DACH2: variants seen among roughly 807,000 people sequenced by gnomAD.
The protein encoded by DACH2 is dachshund family transcription factor 2.
DACH2 carries 17 observed loss-of-function variants against 35.8 expected under a neutral mutation model. That is an observed-to-expected ratio of 0.48 (90% CI 0.33 to 0.71). The LOEUF (loss-of-function observed/expected upper bound fraction) is 0.71, where lower values mean the gene tolerates loss of function less well. Ranked by LOEUF, DACH2 falls within the 30% of genes least tolerant of loss-of-function variation. The pLI is 0.02. For synonymous variants in DACH2, 195 were observed against 177.3 expected, an observed-to-expected ratio of 1.10 and a Z score of -0.79; for missense variants, 469 against 472.7, an observed-to-expected ratio of 0.99 and a Z score of 0.07.
At chrX:86,274,294 C>T (rs1393267788) in intron 1 of DACH2, among the ~76,000 whole-genome samples, 2 of 110,199 alleles carry the variant, frequency 1.8e-5, no homozygotes, top group African/African-American at 6.6e-5. Context: ...AATTTCAATC[C>T]AGGCATGGTT....
At chrX:86,633,384 C>G (rs2040225493) in intron 3 of DACH2, among the ~76,000 whole-genome samples, 1 of 110,759 alleles carries the variant, frequency 9.0e-6, no homozygotes, top group East Asian at 2.8e-4. Flanking sequence ...AATATACAAC[C>G]TCCAAATATT....
At chrX:86,278,295 A>G (rs1030398221) in intron 1 of DACH2, among the ~76,000 whole-genome samples, 1 of 111,915 alleles carries the variant, frequency 8.9e-6, no homozygotes, top group African/African-American at 3.3e-5. Flanking sequence ...CAATGCTTCA[A>G]AAGTTGGACC....
At chrX:86,196,819 C>A (rs1037016386) in intron 1 of DACH2, among the ~76,000 whole-genome samples, 3 of 108,892 alleles carry the variant, frequency 2.8e-5, no homozygotes, top group Non-Finnish European at 3.8e-5. Flanking sequence ...AGAGTACAAC[C>A]AACTTCTAAA....
chrX:86,514,986 A>AGGACTGT (rs2038447226), intron 3 of DACH2, among the ~76,000 whole-genome samples: 1 of 111,814 alleles, frequency 8.9e-6, no homozygotes, highest in Non-Finnish European at 1.9e-5. Context: ...TCCTTAAAAA[A>AGGACTGT]GTACCTGAGA....
At chrX:86,306,961 C>A (rs1230009350) in intron 1 of DACH2, among the ~76,000 whole-genome samples, 1 of 111,352 alleles carries the variant, frequency 9.0e-6, no homozygotes, top group African/African-American at 3.3e-5. Flanking sequence ...AAGGACTCTA[C>A]TTTTAATAGC....
At chrX:86,254,807 T>TATATATATATATATAGAGAG (rs1380613474) in intron 1 of DACH2, among the ~76,000 whole-genome samples, 3 of 49,648 alleles carry the variant, frequency 6.0e-5, no homozygotes, top group African/African-American at 2.3e-4. Context: ...TATATATATA[T>TATATATATATATATAGAGAG]AGAGAGAGAG....
intron 1 of DACH2, among the ~76,000 whole-genome samples, chrX:86,363,545 T>C (rs1285661935): frequency 8.9e-6 from 1 of 111,864 alleles, no homozygotes; most frequent in Non-Finnish European, 1.9e-5. Context: ...TATAACTGAT[T>C]TTCAAAAGTT....
chrX:86,212,865 A>G (rs774445085), intron 1 of DACH2, among the ~76,000 whole-genome samples: 1 of 111,108 alleles, frequency 9.0e-6, no homozygotes, highest in East Asian at 2.8e-4. Flanking sequence ...ATTGCAGTCT[A>G]TTTTTTACTG....
At chrX:86,562,229 GT>G (rs1335078925) in intron 3 of DACH2, among the ~76,000 whole-genome samples, 1 of 110,501 alleles carries the variant, frequency 9.0e-6, no homozygotes, top group South Asian at 3.8e-4. Flanking sequence ...GGTGACACAT[GT>G]TTTTTGTTTT....
intron 3 of DACH2, among the ~76,000 whole-genome samples, chrX:86,606,846 A>G (rs2039865394): frequency 8.9e-6 from 1 of 111,742 alleles, no homozygotes; most frequent in African/African-American, 3.2e-5. Flanking sequence ...TTTAGCTCCA[A>G]TAGTATTTAC....
chrX:86,305,293 G>T (rs2034662150), intron 1 of DACH2, among the ~76,000 whole-genome samples: 1 of 111,921 alleles, frequency 8.9e-6, no homozygotes, highest in African/African-American at 3.3e-5. Context: ...CGGTCAGCCA[G>T]ATGTGTACTG....
At chrX:86,177,047 C>T (rs958772573) in intron 1 of DACH2, among the ~76,000 whole-genome samples, 3 of 111,513 alleles carry the variant, frequency 2.7e-5, no homozygotes, top group Non-Finnish European at 3.8e-5. Flanking sequence ...TTGATACAGG[C>T]GTACAATGGA....
At chrX:86,185,161 T>C (rs1402416248) in intron 1 of DACH2, among the ~76,000 whole-genome samples, 1 of 111,637 alleles carries the variant, frequency 9.0e-6, no homozygotes, top group African/African-American at 3.3e-5. Flanking sequence ...CCTGCACCTG[T>C]TTTATCTTTC....
At chrX:86,405,654 A>T (rs1462860264) in intron 2 of DACH2, among the ~76,000 whole-genome samples, 1 of 110,838 alleles carries the variant, frequency 9.0e-6, no homozygotes, top group East Asian at 2.8e-4. Context: ...ACCCCTCAAA[A>T]CTGTTCCAAC....
At chrX:86,827,216 A>G (rs181805906) in intron 11 of DACH2, among the ~76,000 whole-genome samples, 90 of 112,147 alleles carry the variant, frequency 8.0e-4, no homozygotes, top group Middle Eastern at 9.2e-3. Context: ...TCGAATAACC[A>G]TCCTGTCAGG....
chrX:86,211,185 G>C (rs2032436658), intron 1 of DACH2, among the ~76,000 whole-genome samples: 2 of 111,656 alleles, frequency 1.8e-5, no homozygotes, highest in South Asian at 3.7e-4. Context: ...TATTTTATCT[G>C]TACTTAGAAT....
intron 2 of DACH2, among the ~76,000 whole-genome samples, chrX:86,418,445 T>A (rs1283167264): frequency 8.9e-6 from 1 of 112,187 alleles, no homozygotes; most frequent in Non-Finnish European, 1.9e-5. Flanking sequence ...GGCGGAGGTT[T>A]TCAAACCTTA....
intron 1 of DACH2, among the ~76,000 whole-genome samples, chrX:86,222,711 A>G (rs1299787134): frequency 9.0e-6 from 1 of 110,949 alleles, no homozygotes; most frequent in African/African-American, 3.3e-5. Flanking sequence ...CTAAAAGGAA[A>G]CTTAATGAAG....
chrX:86,519,950 G>A (rs1248995173), intron 3 of DACH2, among the ~76,000 whole-genome samples: 1 of 110,342 alleles, frequency 9.1e-6, no homozygotes, highest in African/African-American at 3.3e-5. Flanking sequence ...TGCTAGCCTT[G>A]GGCTTGATTT....
Sources: gnomAD v4.1 joint callset for allele counts (sites outside exome capture counted in the v4.1 genomes callset) on GRCh38, gnomAD v4.1.1 for gene constraint, MANE v1.5 for transcripts, NCBI Gene and HGNC (gene_info 2026-07-23, HGNC 2026-07-21) for gene names.